FGF9: variants seen among roughly 807,000 people sequenced by gnomAD.
FGF9 encodes fibroblast growth factor 9.
A neutral mutation model predicts 19.9 loss-of-function variants in FGF9; 3 were observed. The ratio of observed to expected loss-of-function variants is 0.15; its 90% confidence interval spans 0.07 to 0.39. FGF9 has a LOEUF of 0.39. FGF9 is among the 10% of genes least tolerant of loss of function. The pLI, the probability that FGF9 is intolerant of heterozygous loss-of-function variation, is 1.00. For missense variants in FGF9, 175 were observed against 256.8 expected, an observed-to-expected ratio of 0.68 and a Z score of 2.18; for synonymous variants, 107 against 106.9, an observed-to-expected ratio of 1.00 and a Z score of -0.01.
Position 21,671,643 on chromosome 13 carries a change from A to G in FGF9, c.-270A>G, listed in dbSNP as rs1871769058. 3 of 600,460 alleles carry G rather than the reference A, an allele frequency of 5.0e-6. No individual in the cohort carries two copies. The highest frequency in any genetic ancestry group is 2.7e-5 in the East Asian group (1 of 36,406). 37.2% of individuals were successfully genotyped at this position (600,460 alleles called of 1,614,324 possible). ...CTAAGAGCTGGGGATCTATCTATAG[A>G]GATACATAGATATGTTTATCAATAT... On this transcript the variant is annotated 5_prime_UTR_variant, in exon 1 of 3. Transcript: ENST00000382353.
At position 21,697,939 on chromosome 13, in the gene FGF9, C is replaced by A. The variant is rs17840914; in HGVS notation, c.382-3251C>A. On this transcript the variant is annotated intron_variant, in intron 2 of 2. Coordinates refer to ENST00000382353, the MANE Select transcript of FGF9 (RefSeq NM_002010.3). ...TCTCCTGCCTCAGCCTCCCGAGTAGCTGGGACTACAGGCGCCCACCACCTC... is the reference window on the plus strand; with the variant it reads ...TCTCCTGCCTCAGCCTCCCGAGTAGATGGGACTACAGGCGCCCACCACCTC... 8.3e-3 allele frequency among the ~76,000 whole-genome samples: 1,268 copies of A among 152,048 alleles called. 20 individuals are homozygous for A. Among genetic ancestry groups the A allele is most frequent in the African/African-American group, 0.029 (1,188 of 41,456 alleles).
chr13:21,689,535 A>G (rs951879993), intron 2 of FGF9, among the ~76,000 whole-genome samples: 9 of 151,842 alleles, frequency 5.9e-5, no homozygotes, highest in African/African-American at 2.2e-4. Context: ...GAGCTGGAGG[A>G]GTTGACATGT....
intron 2 of FGF9, among the ~76,000 whole-genome samples, chr13:21,683,925 A>G (rs1345849835): frequency 6.6e-6 from 1 of 152,168 alleles, no homozygotes; most frequent in Admixed American, 6.5e-5. Flanking sequence ...GTGGCACCCA[A>G]TGCTTAGGAT....
chr13:21,673,492 G>C (rs1206231957), intron 1 of FGF9, among the ~76,000 whole-genome samples: 2 of 151,970 alleles, frequency 1.3e-5, no homozygotes, highest in Non-Finnish European at 2.9e-5. Context: ...GTCTCCACTC[G>C]CTGCTTAAAA....
In FGF9 at chr13:21,671,188, C is replaced by T. The variant is rs965178830; in HGVS notation, c.-725C>T. The stretch of plus-strand genomic sequence containing the variant: ...GCAGCCTGGGCGGCACGCGAGCTCC[C>T]GGACGCGGCTCTCCTCGCTCGCCGC... On this transcript the variant is annotated 5_prime_UTR_variant, in exon 1 of 3. Coordinates refer to ENST00000382353, the MANE Select transcript of FGF9 (RefSeq NM_002010.3). Among the ~76,000 whole-genome samples the T allele has an allele frequency of 6.6e-6, 1 of 152,236 alleles. No homozygotes were observed. The highest frequency in any genetic ancestry group is 1.5e-5 in the Non-Finnish European group (1 of 68,034).
At position 21,701,554 on chromosome 13, in the gene FGF9, G is replaced by A; in HGVS notation, c.*119G>A. 3.6e-6 allele frequency: 5 copies of A among 1,380,082 alleles called. No individual in the cohort carries two copies. Among genetic ancestry groups the A allele is most frequent in the East Asian group, 2.3e-5 (1 of 42,908 alleles). The allele number at this position is 1,380,082 out of a possible 1,614,324, so 85.5% of individuals were successfully genotyped here. On this transcript the variant is annotated 3_prime_UTR_variant, in exon 3 of 3. Coordinates refer to ENST00000382353, the MANE Select transcript of FGF9 (RefSeq NM_002010.3). ...AGCTCCACTGTTGCCAAACTTTGTC[G>A]CATGCATAATGTATGATGGAGGCTT...
chr13:21,671,990 G>T lies in FGF9; in HGVS notation c.78G>T (p.Pro26=). 6.2e-7 allele frequency: 1 copy of T among 1,614,192 alleles called. No homozygotes were observed. Among genetic ancestry groups the T allele is most frequent in the Non-Finnish European group, 8.5e-7 (1 of 1,180,042 alleles). Residue 26 remains proline, a synonymous_variant, in exon 1 of 3, where the codon CCG becomes CCT. Coordinates refer to ENST00000382353, the MANE Select transcript of FGF9 (RefSeq NM_002010.3). ...CGTTTGGGAATGTGCCCGTGTTGCC[G>T]GTGGACAGCCCGGTTTTGTTAAGTG... ...AVPFGNVPVL[P]VDSPVLLSDH... is the part of the protein sequence containing the mutation.
chr13:21,682,958 A>C (rs1162327800), intron 2 of FGF9, among the ~76,000 whole-genome samples: 2 of 152,180 alleles, frequency 1.3e-5, no homozygotes, highest in African/African-American at 4.8e-5. Flanking sequence ...TTATTTTAAA[A>C]TTGTTTATCT....
At chr13:21,682,101 T>C (rs1872055668) in intron 2 of FGF9, among the ~76,000 whole-genome samples, 1 of 151,704 alleles carries the variant, frequency 6.6e-6, no homozygotes, top group African/African-American at 2.4e-5. Context: ...CTGGAACTCA[T>C]GGGCTCAGAA....
intron 2 of FGF9, among the ~76,000 whole-genome samples, chr13:21,697,845 C>T (rs1266130236): frequency 2.7e-5 from 4 of 147,892 alleles, no homozygotes; most frequent in Non-Finnish European, 4.4e-5. Context: ...CTCTCTCTGT[C>T]GCCCAGGCTG....
At chr13:21,681,439 G>A (rs1872041236) in intron 2 of FGF9, among the ~76,000 whole-genome samples, 1 of 152,100 alleles carries the variant, frequency 6.6e-6, no homozygotes, top group Non-Finnish European at 1.5e-5. Flanking sequence ...TATTGAATGA[G>A]AGTTATTTTT....
intron 2 of FGF9, among the ~76,000 whole-genome samples, chr13:21,694,058 A>T (rs1042053739): frequency 1.3e-5 from 2 of 152,122 alleles, no homozygotes; most frequent in African/African-American, 4.8e-5. Flanking sequence ...CCAAGACTGA[A>T]TCACTAGAAT....
Position 21,682,694 on chromosome 13 carries a change from GT to G in FGF9, c.381+1566del, listed in dbSNP as rs35215268. 7.4e-3 allele frequency among the ~76,000 whole-genome samples: 921 copies of G among 123,900 alleles called. 5 individuals carry two copies. Among genetic ancestry groups the G allele is most frequent in the African/African-American group, 0.022 (757 of 33,894 alleles). 81.3% of individuals were successfully genotyped at this position (123,900 alleles called of 152,430 possible). A position where few individuals can be genotyped will look rare whatever the true frequency, so the allele number is the denominator to read the frequency against. On this transcript the variant is annotated intron_variant, in intron 2 of 2. Coordinates refer to ENST00000382353, the MANE Select transcript of FGF9 (RefSeq NM_002010.3). The stretch of plus-strand genomic sequence containing the variant: ...AATGATCTTTTTTGTCACAACTTCA[GT>G]TTTTTTTTTTTTTTTTGCTTTTAGG...
chr13:21,687,955 C>T (rs970347596), intron 2 of FGF9, among the ~76,000 whole-genome samples: 4 of 152,132 alleles, frequency 2.6e-5, no homozygotes, highest in Non-Finnish European at 2.9e-5. Flanking sequence ...CTTGTGGCCC[C>T]GCAGATTATG....
chr13:21,693,667 G>C (rs534551767), intron 2 of FGF9, among the ~76,000 whole-genome samples: 3 of 152,274 alleles, frequency 2.0e-5, no homozygotes, highest in East Asian at 3.9e-4. Flanking sequence ...AATGAGCCCT[G>C]TCTATTGAGG....
chr13:21,693,179 A>G (rs1164778266), intron 2 of FGF9, among the ~76,000 whole-genome samples: 1 of 152,164 alleles, frequency 6.6e-6, no homozygotes, highest in African/African-American at 2.4e-5. Context: ...AGCCCACCAC[A>G]GTGTTGAGGA....
At chr13:21,689,139 A>G (rs1330053319) in intron 2 of FGF9, among the ~76,000 whole-genome samples, 1 of 152,118 alleles carries the variant, frequency 6.6e-6, no homozygotes, top group East Asian at 1.9e-4. Context: ...CATGAGCCCA[A>G]CGCCCCTCTT....
chr13:21,672,608 G>GT lies in FGF9; in HGVS notation c.277+426dup, dbSNP rs757465926. 6.6e-6 allele frequency among the ~76,000 whole-genome samples: 1 copy of GT among 152,106 alleles called. No homozygotes were observed. The highest frequency in any genetic ancestry group is 2.4e-5 in the African/African-American group (1 of 41,404). Reference sequence around the variant, plus strand: ...GTGGGTATCTTGTGCCCAAATTAAGGTTTTTTTCCTTTCCCCCTTTCCTCT... The same window carrying GT: ...GTGGGTATCTTGTGCCCAAATTAAGGTTTTTTTTCCTTTCCCCCTTTCCTCT... On this transcript the variant is annotated intron_variant, in intron 1 of 2. Transcript: ENST00000382353. The surrounding 1 kb of genome is among the most constrained non-coding windows in gnomAD (Gnocchi z 4.2).
chr13:21,673,163 AAAAT>A (rs1343884964), intron 1 of FGF9, among the ~76,000 whole-genome samples: 1 of 152,190 alleles, frequency 6.6e-6, no homozygotes, highest in Non-Finnish European at 1.5e-5. Context: ...TAAAAAAAAA[AAAAT>A]AAGCGCCAGT....
Sources: allele counts gnomAD v4.1 joint callset (sites outside exome capture counted in the v4.1 genomes callset), GRCh38; gene constraint gnomAD v4.1.1; non-coding constraint Gnocchi (gnomAD v3.1); transcripts MANE v1.5; gene names NCBI Gene and HGNC (gene_info 2026-07-23, HGNC 2026-07-21).